The following RIMBP2 variants were observed in gnomAD, a reference collection of about 807,000 sequenced individuals.
The protein encoded by RIMBP2 is RIMS-binding protein 2.
Under a neutral mutation model 118.6 loss-of-function variants are expected in RIMBP2, and 48 were observed. The ratio of observed to expected loss-of-function variants is 0.40; its 90% CI spans 0.32 to 0.51. The LOEUF is 0.51. Among genes scored for constraint, RIMBP2 ranks in the 20% least tolerant of loss-of-function variants. The pLI is 0.41. For synonymous variants in RIMBP2, 762 were observed against 742.9 expected, an observed-to-expected ratio of 1.03 and a Z score of -0.42; for missense variants, 1,551 against 1,768.3, an observed-to-expected ratio of 0.88 and a Z score of 2.20.
At chr12:130,472,236 T>A (rs1053837852) in intron 5 of RIMBP2, 5 of 152,124 alleles carry the variant, frequency 3.3e-5, no homozygotes, top group Admixed American at 2.6e-4. Context: ...CCTGTTTGGG[T>A]TTTCTGTCGC....
At chr12:130,595,757 G>A (rs2059521093) in intron 2 of RIMBP2, among the ~76,000 whole-genome samples, 2 of 152,150 alleles carry the variant, frequency 1.3e-5, no homozygotes, top group African/African-American at 4.8e-5. Context: ...GCACCCCTGG[G>A]GCTGAGCAGG....
intron 1 of RIMBP2, among the ~76,000 whole-genome samples, chr12:130,675,059 C>T (rs756319543): frequency 7.9e-5 from 12 of 152,190 alleles, no homozygotes; most frequent in Admixed American, 3.9e-4. Context: ...CCCACCCATT[C>T]GTGTCAAAGA....
intron 1 of RIMBP2, among the ~76,000 whole-genome samples, chr12:130,675,332 G>A (rs2064405961): frequency 6.6e-6 from 1 of 152,146 alleles, no homozygotes; most frequent in African/African-American, 2.4e-5. Flanking sequence ...GCGCCCCGTG[G>A]AGCAGGCCTC....
intron 4 of RIMBP2, among the ~76,000 whole-genome samples, chr12:130,482,257 C>A (rs1566118676): frequency 6.6e-6 from 1 of 152,210 alleles, no homozygotes; most frequent in Non-Finnish European, 1.5e-5. Flanking sequence ...AGGACTATTT[C>A]TACTCCATTT....
Position 130,431,599 on chromosome 12 carries a change from GTTATA to G in RIMBP2, c.2253+3130_2253+3134del, listed in dbSNP as rs61228699. The G allele has an allele frequency of 3.5e-3, 562 of 160,186 alleles. 3 individuals carry two copies. The highest frequency in any genetic ancestry group is 0.013 in the African/African-American group (525 of 41,304). 9.9% of individuals were successfully genotyped at this position (160,186 alleles called of 1,614,324 possible). A position where few individuals can be genotyped will look rare whatever the true frequency, so the allele number is the denominator to read the frequency against. On this transcript the variant is annotated intron_variant, in intron 14 of 22. Transcript: ENST00000690449. This position sits in a 1 kb window ranked among gnomAD's most constrained non-coding sequence, Gnocchi z 4.0. ...AATATATATTAACAATTAATATATTGTTATATTATTATGTTATGAATACAACATAA... is the reference window on the plus strand; with the variant it reads ...AATATATATTAACAATTAATATATTGTTATTATGTTATGAATACAACATAA...
At chr12:130,640,215 C>T (rs1166797015) in intron 1 of RIMBP2, among the ~76,000 whole-genome samples, 3 of 152,200 alleles carry the variant, frequency 2.0e-5, no homozygotes, top group Non-Finnish European at 4.4e-5. Flanking sequence ...GAACAGGACA[C>T]TCCCCGGGGA....
At chr12:130,590,983 TC>T (rs1252675254) in intron 2 of RIMBP2, among the ~76,000 whole-genome samples, 1 of 152,138 alleles carries the variant, frequency 6.6e-6, no homozygotes, top group East Asian at 1.9e-4. Context: ...TTCAACATCA[TC>T]CAACAACGAG....
chr12:130,648,180 A>C (rs1207688367), intron 1 of RIMBP2, among the ~76,000 whole-genome samples: 1 of 146,166 alleles, frequency 6.8e-6, no homozygotes, highest in East Asian at 1.9e-4. Context: ...TAAATACTAA[A>C]GATGAAAAAA....
At position 130,576,899 on chromosome 12, in the gene RIMBP2, C is replaced by T. The variant is rs147009425; in HGVS notation, c.-217+51423G>A. On this transcript the variant is annotated intron_variant, in intron 2 of 22. Transcript: ENST00000690449. The surrounding 1 kb of genome is among the most constrained non-coding windows in gnomAD (Gnocchi z 4.2). Reference sequence around the variant, plus strand: ...AAGAGACCGACAGTGTGGCAGGAGTCGCGGGGTGGAACAGGAACTTCTGGA... The same window carrying T: ...AAGAGACCGACAGTGTGGCAGGAGTTGCGGGGTGGAACAGGAACTTCTGGA... 1.3e-5 allele frequency among the ~76,000 whole-genome samples: 2 copies of T among 152,202 alleles called. No individual in the cohort carries two copies. The highest frequency in any genetic ancestry group is 2.4e-5 in the African/African-American group (1 of 41,522).
chr12:130,443,923 A>G (rs908427039), intron 10 of RIMBP2, among the ~76,000 whole-genome samples: 6 of 152,190 alleles, frequency 3.9e-5, no homozygotes, highest in African/African-American at 4.8e-5. Context: ...CAGACCCTCT[A>G]TGAGGTGGGT....
chr12:130,650,527 A>T (rs1399801963), intron 1 of RIMBP2, among the ~76,000 whole-genome samples: 1 of 152,250 alleles, frequency 6.6e-6, no homozygotes, highest in African/African-American at 2.4e-5. Flanking sequence ...GGGCCTGCCC[A>T]CCTGGGGGCT....
intron 2 of RIMBP2, among the ~76,000 whole-genome samples, chr12:130,603,614 C>T (rs532865074): frequency 5.3e-5 from 8 of 152,260 alleles, no homozygotes; most frequent in Non-Finnish European, 1.2e-4. Flanking sequence ...CTTGCAGTCA[C>T]GAGCTGAGGA....
chr12:130,669,891 G>A (rs1432649101), intron 1 of RIMBP2, among the ~76,000 whole-genome samples: 1 of 152,156 alleles, frequency 6.6e-6, no homozygotes, highest in African/African-American at 2.4e-5. Context: ...TCTGTGGTGG[G>A]TTGAAGGCCG....
chr12:130,583,711 GCCATCACCTCATCACCACGACCC>G (rs2058631895), intron 2 of RIMBP2, among the ~76,000 whole-genome samples: 5 of 99,430 alleles, frequency 5.0e-5, no homozygotes, highest in South Asian at 4.0e-4. Flanking sequence ...CACCACCACC[GCCATCACCTCATCACCACGACCC>G]CCATCACCTC....
chr12:130,656,664 C>T (rs980928724), intron 1 of RIMBP2, among the ~76,000 whole-genome samples: 2 of 152,134 alleles, frequency 1.3e-5, no homozygotes, highest in African/African-American at 4.8e-5. Context: ...CTTCCCTCCA[C>T]GTTTGTCTAT....
chr12:130,674,687 G>A (rs1429690492), intron 1 of RIMBP2, among the ~76,000 whole-genome samples: 4 of 152,254 alleles, frequency 2.6e-5, no homozygotes, highest in African/African-American at 9.6e-5. Context: ...ACAATGTTAT[G>A]TGACCATCAC....
chr12:130,435,127 CCT>C (rs1414322140), intron 13 of RIMBP2, among the ~76,000 whole-genome samples: 2 of 151,658 alleles, frequency 1.3e-5, no homozygotes, highest in African/African-American at 4.8e-5. Flanking sequence ...CTCACTGAAA[CCT>C]CTGTCTCCCA....
chr12:130,649,753 C>G (rs1483060205), intron 1 of RIMBP2, among the ~76,000 whole-genome samples: 1 of 152,078 alleles, frequency 6.6e-6, no homozygotes, highest in Non-Finnish European at 1.5e-5. Context: ...TCTCCCTGCC[C>G]CCTGCTCACA....
rs759356875 is a variant in RIMBP2, at chr12:130,670,835, G to A, written c.-351-42379C>T. Among the ~76,000 whole-genome samples the A allele has an allele frequency of 2.6e-5, 4 of 152,062 alleles. No individual in the cohort carries two copies. The highest frequency in any genetic ancestry group is 4.4e-5 in the Non-Finnish European group (3 of 68,018). ...GTTGCCCAGGCTGGAGTGCAGTGGC[G>A]CAATCTCAGCTCACTGCAACCTCTG... On this transcript the variant is annotated intron_variant, in intron 1 of 22. Transcript: ENST00000690449. The surrounding 1 kb of genome is among the most constrained non-coding windows in gnomAD (Gnocchi z 4.9).
Sources: gnomAD v4.1 joint callset for allele counts (sites outside exome capture counted in the v4.1 genomes callset) on GRCh38, gnomAD v4.1.1 for gene constraint, Gnocchi (gnomAD v3.1) non-coding constraint, MANE v1.5 for transcripts, NCBI Gene and HGNC (gene_info 2026-07-23, HGNC 2026-07-21) for gene names.